PID1: variants seen among roughly 807,000 people sequenced by gnomAD.
PID1 encodes the protein phosphotyrosine interaction domain containing 1.
PID1 carries 10 observed loss-of-function variants against 19.1 expected under a neutral mutation model. The observed-to-expected ratio is 0.52, with a 90% confidence interval of 0.32 to 0.89. The LOEUF is 0.89. Among genes scored for constraint, PID1 ranks in the 40% least tolerant of loss-of-function variants. PID1 has a pLI of 0.03. For synonymous variants in PID1, 130 were observed against 116.0 expected (o/e 1.12, Z -0.78); for missense variants, 248 against 285.3 (o/e 0.87, Z 0.94).
At chr2:229,189,693 A>G (rs1691215345) in intron 1 of PID1, among the ~76,000 whole-genome samples, 1 of 152,208 alleles carries the variant, frequency 6.6e-6, no homozygotes, top group South Asian at 2.1e-4. Flanking sequence ...GTGAAACTCC[A>G]TCAACAACCA....
chr2:229,043,548 G>T (rs1475816074), intron 2 of PID1, among the ~76,000 whole-genome samples: 1 of 152,220 alleles, frequency 6.6e-6, no homozygotes, highest in East Asian at 1.9e-4. Flanking sequence ...ACTTCAGCAA[G>T]CACATTTATT....
intron 2 of PID1, among the ~76,000 whole-genome samples, chr2:229,132,614 G>A (rs564257043): frequency 8.5e-5 from 13 of 152,176 alleles, no homozygotes; most frequent in African/African-American, 3.1e-4. Flanking sequence ...ATTAATCCAG[G>A]CTCATTATGT....
At chr2:229,147,561 A>C (rs1421372444) in intron 2 of PID1, among the ~76,000 whole-genome samples, 3 of 151,990 alleles carry the variant, frequency 2.0e-5, no homozygotes. Context: ...AACATGTTAT[A>C]ATCAACTTTT....
At chr2:229,209,495 A>G (rs1425124430) in intron 1 of PID1, among the ~76,000 whole-genome samples, 1 of 152,192 alleles carries the variant, frequency 6.6e-6, no homozygotes, top group Admixed American at 6.5e-5. Flanking sequence ...GGTGCAGTCA[A>G]TGAGGCCACA....
At chr2:229,057,263 C>A (rs145738768) in intron 2 of PID1, among the ~76,000 whole-genome samples, 1 of 151,914 alleles carries the variant, frequency 6.6e-6, no homozygotes, top group Admixed American at 6.6e-5. Flanking sequence ...CATGGTGAAA[C>A]CCCATCTCTA....
intron 2 of PID1, among the ~76,000 whole-genome samples, chr2:229,056,252 G>A (rs1186101071): frequency 6.6e-6 from 1 of 152,100 alleles, no homozygotes; most frequent in African/African-American, 2.4e-5. Flanking sequence ...GATGACTAAT[G>A]ACTCATGCCC....
At chr2:229,148,369 A>G (rs185059876) in intron 2 of PID1, among the ~76,000 whole-genome samples, 34 of 152,312 alleles carry the variant, frequency 2.2e-4, no homozygotes, top group Admixed American at 2.2e-3. Context: ...GATCAACACT[A>G]AAACAATAGA....
chr2:229,228,560 T>C (rs945504749), intron 1 of PID1, among the ~76,000 whole-genome samples: 1 of 152,226 alleles, frequency 6.6e-6, no homozygotes, highest in Non-Finnish European at 1.5e-5. Flanking sequence ...AATGGCAATA[T>C]ACTGAAGAGT....
intron 1 of PID1, among the ~76,000 whole-genome samples, chr2:229,266,136 C>G (rs1436564809): frequency 6.6e-6 from 1 of 152,172 alleles, no homozygotes; most frequent in African/African-American, 2.4e-5. Context: ...TGTGCTTACT[C>G]AACTACAATT....
intron 1 of PID1, among the ~76,000 whole-genome samples, chr2:229,168,559 T>C (rs1690649219): frequency 6.6e-6 from 1 of 152,172 alleles, no homozygotes; most frequent in African/African-American, 2.4e-5. Context: ...ATGGTTTTTA[T>C]CTCTTTGCTG....
intron 1 of PID1, among the ~76,000 whole-genome samples, chr2:229,214,560 TG>T: frequency 6.6e-6 from 1 of 152,204 alleles, no homozygotes; most frequent in Non-Finnish European, 1.5e-5. Context: ...TATTAGAGAA[TG>T]ATTGAGAAAG....
chr2:229,125,549 G>A (rs965011128), intron 2 of PID1, among the ~76,000 whole-genome samples: 2 of 152,068 alleles, frequency 1.3e-5, no homozygotes, highest in African/African-American at 4.8e-5. Flanking sequence ...CTTGGAACAT[G>A]ACAAAAACAT....
At chr2:229,105,963 C>G (rs1335560075) in intron 2 of PID1, among the ~76,000 whole-genome samples, 1 of 151,510 alleles carries the variant, frequency 6.6e-6, no homozygotes, top group Non-Finnish European at 1.5e-5. Flanking sequence ...CCTGTAGTCC[C>G]AGCTACTTGG....
chr2:229,053,653 G>A (rs1177896894), intron 2 of PID1, among the ~76,000 whole-genome samples: 1 of 152,214 alleles, frequency 6.6e-6, no homozygotes, highest in Admixed American at 6.5e-5. Context: ...TTTGGACTGA[G>A]AGAAGTTAAC....
At chr2:229,050,428 CAG>C (rs1247712174) in intron 2 of PID1, among the ~76,000 whole-genome samples, 5 of 152,174 alleles carry the variant, frequency 3.3e-5, no homozygotes. Flanking sequence ...TGTGGTGAAA[CAG>C]ACGCTACACA....
intron 2 of PID1, among the ~76,000 whole-genome samples, chr2:229,135,373 AG>A (rs1689838915): frequency 6.6e-6 from 1 of 152,230 alleles, no homozygotes; most frequent in African/African-American, 2.4e-5. Context: ...TATTATGCTA[AG>A]TGAAAAAAGC....
intron 1 of PID1, among the ~76,000 whole-genome samples, chr2:229,236,153 T>A (rs1212188226): frequency 8.6e-5 from 1 of 11,586 alleles, no homozygotes; most frequent in African/African-American, 1.3e-4. Flanking sequence ...CAATGGTTTT[T>A]GGCTTTTGAA....
chr2:229,200,240 A>T (rs891396301), intron 1 of PID1, among the ~76,000 whole-genome samples: 5 of 151,990 alleles, frequency 3.3e-5, no homozygotes, highest in Admixed American at 6.6e-5. Flanking sequence ...TAATACTAGA[A>T]TTCCTTCTCA....
At chr2:229,247,152 G>C (rs1235807607) in intron 1 of PID1, among the ~76,000 whole-genome samples, 7 of 152,164 alleles carry the variant, frequency 4.6e-5, no homozygotes, top group Non-Finnish European at 1.0e-4. Flanking sequence ...AGAAAGCACG[G>C]TGTATCATTG....
Sources: allele counts gnomAD v4.1 joint callset (sites outside exome capture counted in the v4.1 genomes callset), GRCh38; gene constraint gnomAD v4.1.1; transcripts MANE v1.5; gene names NCBI Gene and HGNC (gene_info 2026-07-23, HGNC 2026-07-21).